The following PDGFC variants were observed in gnomAD, a reference collection of about 807,000 sequenced individuals.
The protein encoded by PDGFC is platelet-derived growth factor C.
Under a neutral mutation model 35.5 loss-of-function variants are expected in PDGFC, and 12 were observed. That is an observed-to-expected ratio of 0.34 (90% CI 0.22 to 0.55). The LOEUF is 0.55. Ranked by LOEUF, PDGFC falls within the 20% of genes least tolerant of loss-of-function variation. PDGFC has a pLI of 0.91. For missense variants in PDGFC, 322 were observed against 412.4 expected (o/e 0.78, Z 1.90); for synonymous variants, 159 against 148.8 (o/e 1.07, Z -0.50).
rs78949990 is a variant in PDGFC, at chr4:156,848,737, T to C, written c.314+1484A>G. Among the ~76,000 whole-genome samples, 345 of 152,074 alleles carry C rather than the reference T, an allele frequency of 2.3e-3. 1 individual carries two copies. The highest frequency in any genetic ancestry group is 7.9e-3 in the African/African-American group (329 of 41,550). ...GAAATATGTACTTCTTATGAAATTA[T>C]AGAGAAAATCAGGAGAATGAGTAAC... On this transcript the variant is annotated intron_variant, in intron 2 of 5. Transcript: ENST00000502773.
At chr4:156,861,686 G>T (rs1729713034) in intron 1 of PDGFC, among the ~76,000 whole-genome samples, 1 of 151,878 alleles carries the variant, frequency 6.6e-6, no homozygotes. Context: ...AATCTTTAAG[G>T]GAGCGGGTCT....
At chr4:156,869,173 C>A (rs148525928) in intron 1 of PDGFC, among the ~76,000 whole-genome samples, 283 of 152,218 alleles carry the variant, frequency 1.9e-3, no homozygotes, top group African/African-American at 6.5e-3. Flanking sequence ...GTGGCTCATG[C>A]CTGTAATCCC....
intron 2 of PDGFC, among the ~76,000 whole-genome samples, chr4:156,829,194 C>A (rs961904222): frequency 3.3e-5 from 5 of 152,034 alleles, no homozygotes; most frequent in Non-Finnish European, 5.9e-5. Context: ...TTTCCAATGC[C>A]AAGGGGTTTA....
intron 2 of PDGFC, 70 bp downstream of exon 2, chr4:156,850,151 T>C (rs1729418136): frequency 1.3e-6 from 1 of 781,368 alleles, no homozygotes; most frequent in Non-Finnish European, 1.9e-6. Context: ...AATCAGATCA[T>C]CAAAATTAAG....
intron 1 of PDGFC, among the ~76,000 whole-genome samples, chr4:156,865,516 A>G: frequency 6.6e-6 from 1 of 152,220 alleles, no homozygotes; most frequent in East Asian, 1.9e-4. Flanking sequence ...GAAAATGACA[A>G]AAGCTGTTAA....
At chr4:156,894,809 A>G (rs1168640000) in intron 1 of PDGFC, among the ~76,000 whole-genome samples, 1 of 152,148 alleles carries the variant, frequency 6.6e-6, no homozygotes, top group Non-Finnish European at 1.5e-5. Flanking sequence ...CTCAGCACTC[A>G]TTTTAGTCCA....
intron 3 of PDGFC, among the ~76,000 whole-genome samples, chr4:156,807,037 G>A (rs1204476692): frequency 6.7e-6 from 1 of 148,600 alleles, no homozygotes; most frequent in African/African-American, 2.5e-5. Flanking sequence ...TTCTCTTTTA[G>A]CAGAAAGGGA....
At chr4:156,911,904 T>C (rs73856790) in intron 1 of PDGFC, among the ~76,000 whole-genome samples, 28 of 152,296 alleles carry the variant, frequency 1.8e-4, no homozygotes, top group African/African-American at 6.5e-4. Context: ...CATATGATAG[T>C]ATGATGACTG....
intron 2 of PDGFC, among the ~76,000 whole-genome samples, chr4:156,844,016 G>T (rs770008447): frequency 6.6e-6 from 1 of 151,966 alleles, no homozygotes; most frequent in South Asian, 2.1e-4. Flanking sequence ...CCTGATTCTT[G>T]CCCAGTCCTA....
chr4:156,853,679 G>A (rs1729506411), intron 1 of PDGFC, among the ~76,000 whole-genome samples: 1 of 152,052 alleles, frequency 6.6e-6, no homozygotes, highest in African/African-American at 2.4e-5. Context: ...AATAATGCTC[G>A]GCCCAGGCAC....
chr4:156,886,355 T>G (rs1730375595), intron 1 of PDGFC, among the ~76,000 whole-genome samples: 2 of 152,218 alleles, frequency 1.3e-5, no homozygotes. Flanking sequence ...TAACTGCTAC[T>G]TCATCCCAAA....
intron 1 of PDGFC, among the ~76,000 whole-genome samples, chr4:156,852,243 T>C (rs1277602637): frequency 6.6e-6 from 1 of 152,134 alleles, no homozygotes; most frequent in Admixed American, 6.5e-5. Context: ...GTATTTGCAG[T>C]AACATCATGG....
intron 3 of PDGFC, among the ~76,000 whole-genome samples, chr4:156,796,950 G>C (rs1284563065): frequency 2.6e-5 from 4 of 152,000 alleles, no homozygotes; most frequent in African/African-American, 9.7e-5. Flanking sequence ...AGTATTAAAA[G>C]AAAAATGCCA....
At chr4:156,804,514 C>G (rs538822892) in intron 3 of PDGFC, among the ~76,000 whole-genome samples, 8 of 151,782 alleles carry the variant, frequency 5.3e-5, no homozygotes, top group African/African-American at 1.9e-4. Flanking sequence ...TTATGACATC[C>G]CTCTGCTCTC....
chr4:156,769,011 A>G (rs1730619039), intron 4 of PDGFC, among the ~76,000 whole-genome samples: 1 of 151,820 alleles, frequency 6.6e-6, no homozygotes, highest in South Asian at 2.1e-4. Context: ...ATCTCTGCCT[A>G]TTTTTTTCCC....
chr4:156,858,239 G>A (rs1729629328), intron 1 of PDGFC, among the ~76,000 whole-genome samples: 1 of 151,984 alleles, frequency 6.6e-6, no homozygotes. Context: ...TTAATGATTT[G>A]ACAACATGGC....
intron 1 of PDGFC, among the ~76,000 whole-genome samples, chr4:156,913,581 C>A (rs1181894166): frequency 6.6e-6 from 1 of 152,184 alleles, no homozygotes; most frequent in Non-Finnish European, 1.5e-5. Context: ...TATTTCCCTC[C>A]CTCTCTTGAG....
At chr4:156,935,032 T>C (rs910943344) in intron 1 of PDGFC, among the ~76,000 whole-genome samples, 1 of 152,206 alleles carries the variant, frequency 6.6e-6, no homozygotes, top group Admixed American at 6.5e-5. Flanking sequence ...AGTCTCGCTC[T>C]GTCCCCAGGA....
In PDGFC at chr4:156,843,099, A is replaced by T. The variant is rs191711542; in HGVS notation, c.314+7122T>A. On this transcript the variant is annotated intron_variant, in intron 2 of 5. Coordinates refer to ENST00000502773, the MANE Select transcript of PDGFC (RefSeq NM_016205.3). ...TGTCCTTGCAAAACTCATATGTGAAATCCTAACCCCTAAGGTGATGGTATT... is the reference window on the plus strand; with the variant it reads ...TGTCCTTGCAAAACTCATATGTGAATTCCTAACCCCTAAGGTGATGGTATT... 6.6e-5 allele frequency among the ~76,000 whole-genome samples: 10 copies of T among 152,246 alleles called. No homozygotes were observed. In the East Asian group the frequency reaches 1.9e-3, roughly 29 times the overall value.
Sources: gnomAD v4.1 joint callset for allele counts (sites outside exome capture counted in the v4.1 genomes callset) on GRCh38, gnomAD v4.1.1 for gene constraint, MANE v1.5 for transcripts, NCBI Gene and HGNC (gene_info 2026-07-23, HGNC 2026-07-21) for gene names.